SLC47A2: variants seen among roughly 807,000 people sequenced by gnomAD.
SLC47A2 encodes the protein solute carrier family 47 member 2.
A neutral mutation model predicts 67.7 loss-of-function variants in SLC47A2; 52 were observed. The observed-to-expected ratio is 0.77, with a 90% CI of 0.61 to 0.97. SLC47A2 has a LOEUF of 0.97. SLC47A2 is among the 50% of genes least tolerant of loss of function. The probability of loss-of-function intolerance (pLI) is 0.00; values close to 1 mark genes in which losing one functional copy is unlikely to be tolerated. For missense variants in SLC47A2, 676 were observed against 712.3 expected (o/e 0.95, Z 0.58); for synonymous variants, 278 against 292.9 (o/e 0.95, Z 0.52).
chr17:19,692,923 G>A (rs1213410803), intron 13 of SLC47A2, among the ~76,000 whole-genome samples: 1 of 152,036 alleles, frequency 6.6e-6, no homozygotes, highest in Non-Finnish European at 1.5e-5. Flanking sequence ...ACGAGGTCAG[G>A]AGATCAAGAC....
At chr17:19,704,805 C>T in intron 10 of SLC47A2, 3 of 614,402 alleles carry the variant, frequency 4.9e-6, no homozygotes, top group East Asian at 3.4e-5. Flanking sequence ...ATGTGGCCTG[C>T]TGCTCGATGG....
chr17:19,702,823 G>T, intron 12 of SLC47A2, 149 bp from the exon 13 acceptor site: 1 of 975,400 alleles, frequency 1.0e-6, no homozygotes, highest in Non-Finnish European at 1.5e-6. Context: ...TGCTAGCCCA[G>T]AGTTTTCTGT....
rs61420595 is a variant in SLC47A2, at chr17:19,685,177, G to A, written c.1165-3507C>T. Among the ~76,000 whole-genome samples the A allele has an allele frequency of 0.014, 2,164 of 152,196 alleles. 52 individuals are homozygous for A. Among genetic ancestry groups the A allele is most frequent in the African/African-American group, 0.049 (2,050 of 41,518 alleles). On this transcript the variant is annotated intron_variant, in intron 13 of 16. Transcript: ENST00000433844. This position sits in a 1 kb window ranked among gnomAD's most constrained non-coding sequence, Gnocchi z 4.5. ...GTTGCCCAGGCTGGAGTGCAGTGGC[G>A]TGATCTCGGCTTGCTACAACCTCCA...
At chr17:19,681,239 C>A in intron 15 of SLC47A2, 128 bp downstream of exon 15, 5 of 717,708 alleles carry the variant, frequency 7.0e-6, no homozygotes, top group Non-Finnish European at 6.9e-6. Flanking sequence ...AAAAAAAAAA[C>A]ACCTGCAGCT....
At chr17:19,680,429 G>A (rs1396183706) in intron 15 of SLC47A2, among the ~76,000 whole-genome samples, 3 of 152,170 alleles carry the variant, frequency 2.0e-5, no homozygotes, top group Non-Finnish European at 4.4e-5. Flanking sequence ...GCATTGAGCC[G>A]AGATTGTACC....
chr17:19,704,579 ATTGATTTTGTAATG>A, intron 10 of SLC47A2: 3 of 1,386,104 alleles, frequency 2.2e-6, no homozygotes, highest in Non-Finnish European at 2.9e-6. Context: ...GAATCTCTAA[ATTGATTTTGTAATG>A]TAGATTTTTG....
Position 19,713,924 on chromosome 17 carries a change from C to T in SLC47A2, c.344G>A (p.Gly115Asp), listed in dbSNP as rs1373718945. ...GCAGCAGAGGAGCAGGACCAGCGCG[C>T]CCCGCTGCAGGATCACGCCCACGTG... ...KKHVGVILQRGALVLLLCCLP... is the reference protein window; with the variant it reads ...KKHVGVILQRDALVLLLCCLP... Residue 115 changes from glycine (G) to aspartate (D), a missense_variant, in exon 4 of 17, where the codon GGC (glycine) becomes GAC (aspartate). Physicochemically the swap from Gly to Asp is moderately conservative, Grantham distance 94. Transcript: ENST00000433844. 1.9e-6 allele frequency: 3 copies of T among 1,613,312 alleles called. No homozygotes were observed. In the South Asian group the frequency reaches 3.3e-5, roughly 18 times the overall value.
chr17:19,688,206 A>G (rs7502080), intron 13 of SLC47A2, among the ~76,000 whole-genome samples: 47,419 of 152,058 alleles, frequency 0.31, 7,616 homozygotes, highest in East Asian at 0.52. Context: ...AGGATGGTTC[A>G]TCATATGCAA....
chr17:19,714,716 C>G lies in SLC47A2; in HGVS notation c.294+5G>C. The G allele has an allele frequency of 6.2e-7, 1 of 1,614,042 alleles. No individual in the cohort carries two copies. Among genetic ancestry groups the G allele is most frequent in the Non-Finnish European group, 8.5e-7 (1 of 1,180,036 alleles). ...CTTCCTGCCCAGCTCCAGGAGGCCA[C>G]CCACCTGAGACATCAAGGTGTCACA... On this transcript the variant is annotated splice_donor_5th_base_variant and intron_variant, in intron 3 of 16. Coordinates refer to ENST00000433844, the MANE Select transcript of SLC47A2 (RefSeq NM_001099646.3).
rs764458727 is a variant in SLC47A2, at chr17:19,715,074, G to C, written c.225+42C>G. The stretch of plus-strand genomic sequence containing the variant: ...ACCCGGGAACCCGGTGGAGAAGCCT[G>C]GGGAGAGAACGTCCCTGCTCTGGGC... On this transcript the variant is annotated intron_variant, in intron 2 of 16. Coordinates refer to ENST00000433844, the MANE Select transcript of SLC47A2 (RefSeq NM_001099646.3). The C allele has an allele frequency of 3.8e-6, 6 of 1,588,854 alleles. No homozygotes were observed. The South Asian group carries it at 6.6e-5, about 18-fold the overall frequency.
intron 1 of SLC47A2, 90 bp downstream of exon 1, chr17:19,716,343 G>A (rs2086264710): frequency 1.4e-6 from 2 of 1,472,020 alleles, no homozygotes; most frequent in Non-Finnish European, 1.8e-6. Flanking sequence ...GAAAATGTGA[G>A]CACATTTCTG....
Sources: allele counts gnomAD v4.1 joint callset (sites outside exome capture counted in the v4.1 genomes callset), GRCh38; gene constraint gnomAD v4.1.1; non-coding constraint Gnocchi (gnomAD v3.1); transcripts MANE v1.5; gene names NCBI Gene and HGNC (gene_info 2026-07-23, HGNC 2026-07-21).